ARB2A: variants seen among roughly 807,000 people sequenced by gnomAD.
The protein encoded by ARB2A is cotranscriptional regulator ARB2A.
chr5:93,859,902 T>A, the ARB2A span, among the ~76,000 whole-genome samples: 1 of 152,222 alleles, frequency 6.6e-6, no homozygotes, highest in African/African-American at 2.4e-5. Flanking sequence ...CAATTTGATA[T>A]TACCCAGTAA....
the ARB2A span, among the ~76,000 whole-genome samples, chr5:93,772,231 T>C: frequency 2.0e-5 from 3 of 151,996 alleles, no homozygotes; most frequent in Admixed American, 2.0e-4. Context: ...CTGCATGTTC[T>C]CACTCATAGG....
At chr5:94,039,483 G>A in the ARB2A span, among the ~76,000 whole-genome samples, 1 of 152,126 alleles carries the variant, frequency 6.6e-6, no homozygotes, top group Admixed American at 6.5e-5. Flanking sequence ...GCAACATCAG[G>A]AAGTTACCCT....
the ARB2A span, among the ~76,000 whole-genome samples, chr5:93,705,399 T>C: frequency 6.6e-6 from 1 of 152,184 alleles, no homozygotes; most frequent in South Asian, 2.1e-4. Context: ...TCTTGAGAAG[T>C]ATTTTGGCAC....
At chr5:94,000,092 AG>A in the ARB2A span, among the ~76,000 whole-genome samples, 2 of 152,074 alleles carry the variant, frequency 1.3e-5, no homozygotes, top group Admixed American at 1.3e-4. Flanking sequence ...GATGCTTCCA[AG>A]TTTTGGCAAT....
the ARB2A span, among the ~76,000 whole-genome samples, chr5:93,912,977 T>C: frequency 6.6e-6 from 1 of 151,904 alleles, no homozygotes. Flanking sequence ...CATAACTAAC[T>C]GTATCAAAGT....
chr5:94,067,282 A>C, the ARB2A span, among the ~76,000 whole-genome samples: 2 of 152,220 alleles, frequency 1.3e-5, no homozygotes, highest in Non-Finnish European at 2.9e-5. Flanking sequence ...AACTGGAACA[A>C]CACAAGGATG....
the ARB2A span, among the ~76,000 whole-genome samples, chr5:93,645,021 A>G: frequency 6.6e-6 from 1 of 152,216 alleles, no homozygotes; most frequent in Non-Finnish European, 1.5e-5. Flanking sequence ...CCTCAAGCTC[A>G]ATGCTTCTAA....
chr5:94,017,616 T>C, the ARB2A span, among the ~76,000 whole-genome samples: 5 of 152,170 alleles, frequency 3.3e-5, no homozygotes, highest in African/African-American at 9.7e-5. Context: ...AAAGAGTATA[T>C]GCTAAATAGA....
chr5:93,805,438 G>A, the ARB2A span: 1 of 985,070 alleles, frequency 1.0e-6, no homozygotes, highest in Non-Finnish European at 1.2e-6. Context: ...TGTAAGCACG[G>A]TGAACATACT....
the ARB2A span, among the ~76,000 whole-genome samples, chr5:93,726,777 G>A: frequency 1.1e-4 from 16 of 151,990 alleles, no homozygotes; most frequent in African/African-American, 3.9e-4. Context: ...TTCTTTTTCA[G>A]TGCTCTAAAA....
the ARB2A span, among the ~76,000 whole-genome samples, chr5:93,870,199 T>C: frequency 6.6e-6 from 1 of 152,312 alleles, no homozygotes; most frequent in South Asian, 2.1e-4. Context: ...ACTGACATTA[T>C]CTTAGTTTCA....
the ARB2A span, among the ~76,000 whole-genome samples, chr5:93,989,435 G>C: frequency 6.6e-6 from 1 of 152,088 alleles, no homozygotes; most frequent in African/African-American, 2.4e-5. Context: ...TTAGAGGTTA[G>C]TAAAATCAAA....
chr5:93,838,758 C>T, the ARB2A span, among the ~76,000 whole-genome samples: 27 of 152,196 alleles, frequency 1.8e-4, no homozygotes, highest in Admixed American at 1.4e-3. Flanking sequence ...AGACCTTTTA[C>T]TTCCCTGGTT....
chr5:93,791,674 A>C, the ARB2A span, among the ~76,000 whole-genome samples: 1 of 152,186 alleles, frequency 6.6e-6, no homozygotes, highest in Non-Finnish European at 1.5e-5. Context: ...ATCTTTGTTT[A>C]ATTTCAGGAA....
the ARB2A span, among the ~76,000 whole-genome samples, chr5:93,759,765 A>G: frequency 2.0e-5 from 3 of 152,160 alleles, no homozygotes; most frequent in Non-Finnish European, 1.5e-5. Flanking sequence ...TAAAAGCCAT[A>G]TATGACACAC....
chr5:93,818,009 C>G, the ARB2A span, among the ~76,000 whole-genome samples: 2 of 150,476 alleles, frequency 1.3e-5, no homozygotes, highest in South Asian at 2.1e-4. Flanking sequence ...AATGATAACC[C>G]AATTAAAATT....
At chr5:93,893,886 C>T in the ARB2A span, among the ~76,000 whole-genome samples, 2 of 152,146 alleles carry the variant, frequency 1.3e-5, no homozygotes, top group African/African-American at 4.8e-5. Context: ...CTTTTAATCA[C>T]AGTGTAGCAC....
the ARB2A span, among the ~76,000 whole-genome samples, chr5:93,819,106 A>T: frequency 1.3e-5 from 2 of 149,294 alleles, no homozygotes; most frequent in African/African-American, 4.9e-5. Flanking sequence ...GAATGGCGTG[A>T]ACCCGGGAGG....
chr5:93,640,456 A>G, the ARB2A span, among the ~76,000 whole-genome samples: 1 of 152,038 alleles, frequency 6.6e-6, no homozygotes, highest in Non-Finnish European at 1.5e-5. Flanking sequence ...CTCAAAAAAA[A>G]AAAAGTTTAC....
Sources: allele counts gnomAD v4.1 joint callset (sites outside exome capture counted in the v4.1 genomes callset), GRCh38; gene constraint gnomAD v4.1.1; transcripts MANE v1.5; gene names NCBI Gene and HGNC (gene_info 2026-07-23, HGNC 2026-07-21).